SLC35F2: variants seen among roughly 807,000 people sequenced by gnomAD.
SLC35F2 encodes solute carrier family 35 member F2, also known as queuine/queuosine transporter SLC35F2.
In SLC35F2, 25 loss-of-function variants were observed where a neutral mutation model predicts 38.1. That is an observed-to-expected ratio of 0.66 (90% CI 0.48 to 0.92). SLC35F2 has a LOEUF of 0.92. Ranked by LOEUF, SLC35F2 falls within the 40% of genes least tolerant of loss-of-function variation. SLC35F2 has a pLI of 0.00. For synonymous variants in SLC35F2, 173 were observed against 181.7 expected (o/e 0.95, Z 0.38); for missense variants, 409 against 452.9 (o/e 0.90, Z 0.88).
chr11:107,818,687 G>A (rs773397888), intron 1 of SLC35F2, among the ~76,000 whole-genome samples: 33 of 150,482 alleles, frequency 2.2e-4, no homozygotes, highest in Non-Finnish European at 4.4e-4. Flanking sequence ...TTCCTTTTCA[G>A]TACTGTATAG....
At chr11:107,831,520 C>T (rs1181232507) in intron 1 of SLC35F2, among the ~76,000 whole-genome samples, 1 of 152,188 alleles carries the variant, frequency 6.6e-6, no homozygotes, top group Non-Finnish European at 1.5e-5. Flanking sequence ...CCACCACACC[C>T]AACCAACAAG....
intron 1 of SLC35F2, among the ~76,000 whole-genome samples, chr11:107,847,493 T>C (rs980979323): frequency 6.6e-6 from 1 of 152,188 alleles, no homozygotes; most frequent in Non-Finnish European, 1.5e-5. Context: ...TTTATTTCAG[T>C]CTTAACTCAT....
chr11:107,809,644 AG>A (rs2134782642), intron 3 of SLC35F2: 1 of 972,748 alleles, frequency 1.0e-6, no homozygotes, highest in Admixed American at 6.2e-5. Context: ...AAAAAAAAAA[AG>A]TATTCTTGGT....
intron 1 of SLC35F2, among the ~76,000 whole-genome samples, chr11:107,856,191 C>G (rs1860278909): frequency 6.6e-6 from 1 of 151,988 alleles, no homozygotes; most frequent in African/African-American, 2.4e-5. Context: ...TACATCTTGC[C>G]ATATCATCTG....
intron 1 of SLC35F2, among the ~76,000 whole-genome samples, chr11:107,842,257 CAAAAA>C (rs541185009): frequency 0.024 from 893 of 37,718 alleles, 1 homozygote; most frequent in Middle Eastern, 0.083. Flanking sequence ...CTCCGTCTCA[CAAAAA>C]AAAAAAAAAA....
At chr11:107,811,129 T>C in intron 3 of SLC35F2, 1 of 985,332 alleles carries the variant, frequency 1.0e-6, no homozygotes, top group African/African-American at 1.7e-5. Context: ...TCAGTTGTCT[T>C]CAACTTTACA....
chr11:107,822,372 A>G (rs373563356), intron 1 of SLC35F2, among the ~76,000 whole-genome samples: 85 of 152,330 alleles, frequency 5.6e-4, no homozygotes, highest in African/African-American at 1.9e-3. Flanking sequence ...CTGATTTCCA[A>G]TGAAAATATA....
Position 107,792,114 on chromosome 11 carries a change from C to T in SLC35F2, c.*501G>A, listed in dbSNP as rs548237790. Reference sequence around the variant, plus strand: ...GTTTTCTGCCACATGCAGTCAGCCCCAAGGCCTCATCTGTACCCAAAGGCC... The same window carrying T: ...GTTTTCTGCCACATGCAGTCAGCCCTAAGGCCTCATCTGTACCCAAAGGCC... On this transcript the variant is annotated 3_prime_UTR_variant, in exon 8 of 8. Transcript: ENST00000525815. 78 of 147,348 alleles carry T rather than the reference C, an allele frequency of 5.3e-4. No individual in the cohort carries two copies. Among genetic ancestry groups the T allele is most frequent in the African/African-American group, 1.9e-3 (73 of 39,306 alleles). 9.1% of individuals were successfully genotyped at this position (147,348 alleles called of 1,614,324 possible).
intron 1 of SLC35F2, among the ~76,000 whole-genome samples, chr11:107,821,267 A>G (rs750001552): frequency 6.6e-6 from 1 of 152,234 alleles, no homozygotes; most frequent in Non-Finnish European, 1.5e-5. Context: ...CAGTAAGCTC[A>G]TATCTGCATT....
intron 1 of SLC35F2, among the ~76,000 whole-genome samples, chr11:107,823,372 T>C (rs1036260910): frequency 6.6e-5 from 10 of 152,160 alleles, no homozygotes; most frequent in African/African-American, 2.4e-4. Context: ...TTGCATGTTG[T>C]CAGCTAAAGG....
chr11:107,852,444 G>A (rs192321752), intron 1 of SLC35F2, among the ~76,000 whole-genome samples: 10 of 151,968 alleles, frequency 6.6e-5, no homozygotes, highest in African/African-American at 1.2e-4. Flanking sequence ...CCAGCTACTC[G>A]GGAGGCTGAG....
intron 3 of SLC35F2, 35 bp from the exon 4 acceptor site, chr11:107,806,911 T>C (rs1221334270): frequency 8.1e-6 from 13 of 1,595,236 alleles, no homozygotes; most frequent in Non-Finnish European, 1.1e-5. Context: ...TTAAAACATA[T>C]CTCTCATTAG....
chr11:107,853,743 A>G (rs1360592847), intron 1 of SLC35F2, among the ~76,000 whole-genome samples: 7 of 141,536 alleles, frequency 4.9e-5, no homozygotes, highest in African/African-American at 1.5e-4. Flanking sequence ...AAAAAAAAAG[A>G]AAGAATCAAT....
intron 2 of SLC35F2, among the ~76,000 whole-genome samples, chr11:107,812,452 G>A (rs1419217231): frequency 6.6e-6 from 1 of 152,108 alleles, no homozygotes; most frequent in Non-Finnish European, 1.5e-5. Context: ...TGAGGGCAGA[G>A]GACAGCTGGA....
chr11:107,857,690 T>G (rs534093683), intron 1 of SLC35F2, among the ~76,000 whole-genome samples: 1 of 152,160 alleles, frequency 6.6e-6, no homozygotes, highest in African/African-American at 2.4e-5. Context: ...TTCGCTTTGT[T>G]AATATGAAAA....
chr11:107,826,545 A>C (rs1859757439), intron 1 of SLC35F2, among the ~76,000 whole-genome samples: 2 of 152,188 alleles, frequency 1.3e-5, no homozygotes, highest in Admixed American at 1.3e-4. Flanking sequence ...CATCCAGCCA[A>C]AACAAAACTT....
chr11:107,798,584 T>C (rs1040128461), intron 7 of SLC35F2, among the ~76,000 whole-genome samples: 5 of 152,192 alleles, frequency 3.3e-5, no homozygotes, highest in Non-Finnish European at 7.3e-5. Context: ...ATACAGGAAG[T>C]TTCTTGCGAT....
chr11:107,818,094 A>AAGAG (rs1208339505), intron 1 of SLC35F2, among the ~76,000 whole-genome samples: 34 of 135,434 alleles, frequency 2.5e-4, no homozygotes, highest in Middle Eastern at 7.6e-3. Context: ...GAAAGAAAGA[A>AAGAG]AGAAAGAAAG....
intron 1 of SLC35F2, 87 bp downstream of exon 1, chr11:107,858,571 A>G: frequency 8.5e-7 from 1 of 1,172,792 alleles, no homozygotes; most frequent in Non-Finnish European, 1.1e-6. Flanking sequence ...TGGGGGCCTC[A>G]GAGAGTGTGC....
Sources: allele counts gnomAD v4.1 joint callset (sites outside exome capture counted in the v4.1 genomes callset), GRCh38; gene constraint gnomAD v4.1.1; transcripts MANE v1.5; gene names NCBI Gene and HGNC (gene_info 2026-07-23, HGNC 2026-07-21).